The following SOX5 variants were observed in gnomAD, a reference collection of about 807,000 sequenced individuals.
SOX5 encodes the protein transcription factor SOX-5.
A neutral mutation model predicts 92.0 loss-of-function variants in SOX5; 9 were observed. The observed-to-expected ratio is 0.10, with a 90% CI of 0.06 to 0.17. The LOEUF (loss-of-function observed/expected upper bound fraction) is 0.17. SOX5 is among the 10% of genes least tolerant of loss of function. The probability of loss-of-function intolerance (pLI) is 1.00; values close to 1 mark genes in which losing one functional copy is unlikely to be tolerated. For synonymous variants in SOX5, 344 were observed against 336.3 expected, an observed-to-expected ratio of 1.02 and a Z score of -0.25; for missense variants, 642 against 944.5, an observed-to-expected ratio of 0.68 and a Z score of 4.20.
intron 3 of SOX5, among the ~76,000 whole-genome samples, chr12:23,795,042 T>C (rs1194433331): frequency 6.6e-6 from 1 of 152,146 alleles, no homozygotes; most frequent in Non-Finnish European, 1.5e-5. Flanking sequence ...CTACGGCTCT[T>C]GAATTTAAAG....
upstream of SOX5, among the ~76,000 whole-genome samples, chr12:23,952,260 T>A (rs1945757577): frequency 6.6e-6 from 1 of 151,956 alleles, no homozygotes; most frequent in South Asian, 2.1e-4. Context: ...AGTGGCAGCA[T>A]AAAGATAGAA....
At chr12:24,067,847 A>T (rs1384583394) in intron 4 of SOX5, among the ~76,000 whole-genome samples, 1 of 152,334 alleles carries the variant, frequency 6.6e-6, no homozygotes, top group East Asian at 1.9e-4. Context: ...TCAATTCTTT[A>T]AAAAACTTCA....
intron 4 of SOX5, among the ~76,000 whole-genome samples, chr12:23,741,876 C>T (rs2093809722): frequency 1.3e-5 from 2 of 152,090 alleles, no homozygotes; most frequent in South Asian, 4.1e-4. Context: ...ATATTTAAAA[C>T]ATGCCAATGA....
intron 2 of SOX5, among the ~76,000 whole-genome samples, chr12:24,347,935 G>A (rs1324862563): frequency 6.7e-6 from 1 of 148,812 alleles, no homozygotes; most frequent in African/African-American, 2.5e-5. Context: ...GTACTTTCAA[G>A]TATAAAATGA....
At chr12:24,400,561 A>T (rs575984425) in intron 1 of SOX5, among the ~76,000 whole-genome samples, 88 of 152,344 alleles carry the variant, frequency 5.8e-4, no homozygotes, top group African/African-American at 2.0e-3. Context: ...AACAGGGAAC[A>T]TTCAAAATTA....
intron 4 of SOX5, among the ~76,000 whole-genome samples, chr12:24,044,091 T>G (rs1956780046): frequency 2.0e-5 from 3 of 152,336 alleles, no homozygotes; most frequent in Middle Eastern, 3.4e-3. Flanking sequence ...AGACTCAATT[T>G]GCCTTGGGGC....
intron 4 of SOX5, among the ~76,000 whole-genome samples, chr12:24,013,543 A>G (rs1452918683): frequency 6.6e-6 from 1 of 152,166 alleles, no homozygotes; most frequent in Non-Finnish European, 1.5e-5. Context: ...CTAGTTTTTA[A>G]TAACAATGTG....
intron 1 of SOX5, among the ~76,000 whole-genome samples, chr12:24,519,857 C>T (rs1250413892): frequency 6.6e-6 from 1 of 152,098 alleles, no homozygotes; most frequent in Non-Finnish European, 1.5e-5. Flanking sequence ...GATCAATCCA[C>T]AGAAAACTAG....
At chr12:23,658,681 A>G (rs894022289) in intron 7 of SOX5, among the ~76,000 whole-genome samples, 2 of 152,114 alleles carry the variant, frequency 1.3e-5, no homozygotes, top group Admixed American at 1.3e-4. Flanking sequence ...CACTTGAGGT[A>G]GGAGTTCGAA....
At chr12:24,000,721 A>AAAT (rs1951516456) in intron 4 of SOX5, among the ~76,000 whole-genome samples, 1 of 152,178 alleles carries the variant, frequency 6.6e-6, no homozygotes, top group African/African-American at 2.4e-5. Context: ...CATTAAATAC[A>AAAT]GATGCATGAA....
chr12:24,039,245 G>A (rs1296752762), intron 4 of SOX5, among the ~76,000 whole-genome samples: 1 of 152,124 alleles, frequency 6.6e-6, no homozygotes, highest in African/African-American at 2.4e-5. Flanking sequence ...GATTCAAAAG[G>A]AGATGATGAT....
intron 6 of SOX5, among the ~76,000 whole-genome samples, chr12:23,714,760 T>C (rs1478825977): frequency 2.0e-5 from 3 of 152,194 alleles, no homozygotes; most frequent in African/African-American, 7.2e-5. Context: ...TAAGCTATTA[T>C]CTATAGATGA....
At chr12:24,094,056 C>T (rs1254643890) in intron 4 of SOX5, among the ~76,000 whole-genome samples, 1 of 152,154 alleles carries the variant, frequency 6.6e-6, no homozygotes, top group Non-Finnish European at 1.5e-5. Context: ...AAGCGATTCT[C>T]CCGCCTCAGC....
chr12:24,185,241 C>A (rs1447889242), intron 4 of SOX5, among the ~76,000 whole-genome samples: 1 of 152,052 alleles, frequency 6.6e-6, no homozygotes, highest in Non-Finnish European at 1.5e-5. Context: ...CCTTGAAATA[C>A]CTGCTTTAAA....
chr12:24,544,349 T>G (rs1201634448), intron 1 of SOX5, among the ~76,000 whole-genome samples: 2 of 152,176 alleles, frequency 1.3e-5, no homozygotes, highest in African/African-American at 4.8e-5. Context: ...TTTCTATTGC[T>G]GAGATGACAC....
intron 2 of SOX5, among the ~76,000 whole-genome samples, chr12:24,353,193 G>A (rs549598860): frequency 1.6e-4 from 25 of 152,238 alleles, no homozygotes; most frequent in Middle Eastern, 6.8e-3. Context: ...TTGCCAGGAC[G>A]CTGTGTCAAT....
In SOX5 at chr12:24,385,945, AG is replaced by A. The variant is rs1324731236; in HGVS notation, c.-250-17307del. Among the ~76,000 whole-genome samples the A allele has an allele frequency of 1.5e-3, 198 of 128,386 alleles. 3 individuals are homozygous for A. The highest frequency in any genetic ancestry group is 3.3e-3 in the African/African-American group (114 of 35,074). 84.2% of individuals were successfully genotyped at this position (128,386 alleles called of 152,430 possible). A position where few individuals can be genotyped will look rare whatever the true frequency, so the allele number is the denominator to read the frequency against. ...TTGTCACAAAAAAAAAAAAAAAAAA[AG>A]AGAGAGAGATTTATGTGGCATTTTA... On this transcript the variant is annotated intron_variant, in intron 1 of 4. Transcript: ENST00000446891.
intron 6 of SOX5, among the ~76,000 whole-genome samples, chr12:23,733,202 T>A (rs2093456949): frequency 6.6e-6 from 1 of 152,160 alleles, no homozygotes; most frequent in South Asian, 2.1e-4. Context: ...AATCTAAAAC[T>A]ATTGGCACAC....
intron 9 of SOX5, among the ~76,000 whole-genome samples, chr12:23,576,208 A>C (rs1949083232): frequency 6.6e-6 from 1 of 152,030 alleles, no homozygotes; most frequent in African/African-American, 2.4e-5. Flanking sequence ...TTAATCTCCA[A>C]AGAAAAGGGG....
Sources: gnomAD v4.1 joint callset for allele counts (sites outside exome capture counted in the v4.1 genomes callset) on GRCh38, gnomAD v4.1.1 for gene constraint, MANE v1.5 for transcripts, NCBI Gene and HGNC (gene_info 2026-07-23, HGNC 2026-07-21) for gene names.